HMCN1: variants seen among roughly 807,000 people sequenced by gnomAD.
The protein encoded by HMCN1 is hemicentin-1.
In HMCN1, 321 loss-of-function variants were observed where a neutral mutation model predicts 625.9. The observed-to-expected ratio is 0.51, with a 90% confidence interval of 0.47 to 0.56. HMCN1 has a LOEUF of 0.56. Ranked by LOEUF, HMCN1 falls within the 20% of genes least tolerant of loss-of-function variation. The probability of loss-of-function intolerance (pLI) is 0.00; values close to 1 mark genes in which losing one functional copy is unlikely to be tolerated. For synonymous variants in HMCN1, 2,425 were observed against 2,417.6 expected (o/e 1.00, Z -0.09); for missense variants, 6,588 against 6,887.3 (o/e 0.96, Z 1.54).
chr1:186,161,122 T>C (rs1039967267), intron 97 of HMCN1, among the ~76,000 whole-genome samples: 6 of 151,964 alleles, frequency 3.9e-5, no homozygotes, highest in Non-Finnish European at 4.4e-5. Flanking sequence ...GGTGCATATA[T>C]ATTTAGGATA....
chr1:186,125,469 T>G (rs1444961956), intron 81 of HMCN1, 135 bp from the exon 82 acceptor site: 1 of 701,044 alleles, frequency 1.4e-6, no homozygotes, highest in African/African-American at 1.8e-5. Flanking sequence ...CAAATCAATA[T>G]CTTAATAGAT....
In HMCN1 at chr1:185,889,383, G is replaced by A. The variant is rs941587436; in HGVS notation, c.622-19954G>A. On this transcript the variant is annotated intron_variant, in intron 4 of 106. Coordinates refer to ENST00000271588, the MANE Select transcript of HMCN1 (RefSeq NM_031935.3). Reference sequence around the variant, plus strand: ...TGGTGAGAGAGGGCATCCCTGTCTTGTGCCAGTATTCAAAGGGAATGCTTC... The same window carrying A: ...TGGTGAGAGAGGGCATCCCTGTCTTATGCCAGTATTCAAAGGGAATGCTTC... Among the ~76,000 whole-genome samples, 16 of 147,580 alleles carry A rather than the reference G, an allele frequency of 1.1e-4. 1 individual carries two copies. Among genetic ancestry groups the A allele is most frequent in the African/African-American group, 3.8e-4 (14 of 37,078 alleles).
chr1:186,000,758 A>C (rs1385180769), intron 26 of HMCN1, among the ~76,000 whole-genome samples: 1 of 151,870 alleles, frequency 6.6e-6, no homozygotes, highest in Non-Finnish European at 1.5e-5. Context: ...AATGTTCCTA[A>C]CTGTATAGCA....
At chr1:185,785,030 A>G (rs1192092150) in intron 1 of HMCN1, among the ~76,000 whole-genome samples, 1 of 152,118 alleles carries the variant, frequency 6.6e-6, no homozygotes, top group African/African-American at 2.4e-5. Context: ...TTTAATTACT[A>G]ATTAATATTC....
chr1:185,920,175 A>G (rs1033391004), intron 6 of HMCN1, among the ~76,000 whole-genome samples: 2 of 152,224 alleles, frequency 1.3e-5, no homozygotes, highest in Admixed American at 1.3e-4. Flanking sequence ...ATGAATTAAC[A>G]TCAGAGGCTA....
At chr1:185,923,982 T>A (rs941443436) in intron 8 of HMCN1, among the ~76,000 whole-genome samples, 1 of 152,186 alleles carries the variant, frequency 6.6e-6, no homozygotes, top group Non-Finnish European at 1.5e-5. Flanking sequence ...ATTGGCTAAA[T>A]GTTTATATAC....
At chr1:185,993,887 G>A (rs554112021) in intron 23 of HMCN1, among the ~76,000 whole-genome samples, 1 of 152,034 alleles carries the variant, frequency 6.6e-6, no homozygotes, top group African/African-American at 2.4e-5. Flanking sequence ...AGCTGAGATA[G>A]GATTGATCTG....
chr1:185,737,279 C>T (rs566666696), intron 1 of HMCN1, among the ~76,000 whole-genome samples: 5 of 152,104 alleles, frequency 3.3e-5, no homozygotes, highest in Admixed American at 1.3e-4. Context: ...TTCAGCCTCC[C>T]GAGTAGCTGG....
chr1:185,962,769 A>G, intron 12 of HMCN1, 110 bp downstream of exon 12: 1 of 746,246 alleles, frequency 1.3e-6, no homozygotes, highest in South Asian at 1.5e-5. Context: ...GTTTGACCAC[A>G]ATACTTAGCT....
intron 105 of HMCN1, among the ~76,000 whole-genome samples, chr1:186,184,672 T>C (rs372237425): frequency 2.9e-5 from 4 of 138,040 alleles, no homozygotes; most frequent in East Asian, 2.0e-4. Context: ...AAATTACTTA[T>C]ATTTTCTATA....
intron 100 of HMCN1, among the ~76,000 whole-genome samples, chr1:186,167,489 A>G (rs1651952891): frequency 6.6e-6 from 1 of 152,180 alleles, no homozygotes; most frequent in Non-Finnish European, 1.5e-5. Context: ...ACACTGACAC[A>G]TCATTATCAC....
In HMCN1 at chr1:186,087,446, C is replaced by A; in HGVS notation, c.9164C>A (p.Pro3055His). 1.2e-6 allele frequency: 2 copies of A among 1,612,906 alleles called. No individual in the cohort carries two copies. Among genetic ancestry groups the A allele is most frequent in the Non-Finnish European group, 1.7e-6 (2 of 1,179,304 alleles). The change falls in exon 60 of 107, where the codon CCC (proline) becomes CAC (histidine). Residue 3055 changes from proline to histidine, a missense_variant. Physicochemically the swap from Pro to His is moderately conservative, Grantham distance 77 (BLOSUM62 -2). Coordinates refer to ENST00000271588, the MANE Select transcript of HMCN1 (RefSeq NM_031935.3). Reference sequence around the variant, plus strand: ...TTCTGTTATTTTCTTCCCTCAGTGCCCCCAAGCATTAAAGACCATGACAGT... The same window carrying A: ...TTCTGTTATTTTCTTCCCTCAGTGCACCCAAGCATTAAAGACCATGACAGT... ...KKKFSLTVYV[P>H]PSIKDHDSES...
chr1:185,985,349 T>C (rs1651936489), intron 19 of HMCN1, among the ~76,000 whole-genome samples: 3 of 152,208 alleles, frequency 2.0e-5, no homozygotes, highest in Non-Finnish European at 4.4e-5. Flanking sequence ...ACCATAGATT[T>C]CTTGAACAGT....
chr1:186,039,127 G>A, intron 38 of HMCN1, 122 bp downstream of exon 38: 1 of 765,648 alleles, frequency 1.3e-6, no homozygotes, highest in Non-Finnish European at 2.4e-6. Context: ...TTATGTAAGG[G>A]CACAGTGTTC....
chr1:186,091,411 T>C (rs1245182801), intron 64 of HMCN1, among the ~76,000 whole-genome samples: 4 of 152,050 alleles, frequency 2.6e-5, no homozygotes, highest in East Asian at 1.9e-4. Context: ...ATAACTGTTA[T>C]AGTGGTTTGT....
chr1:185,817,564 C>T (rs1482224118), intron 1 of HMCN1, among the ~76,000 whole-genome samples: 2 of 152,074 alleles, frequency 1.3e-5, no homozygotes, highest in African/African-American at 2.4e-5. Context: ...GAAGTTTGTG[C>T]GTGCTTAAGG....
At chr1:185,965,437 CCT>C (rs1415504237) in intron 13 of HMCN1, among the ~76,000 whole-genome samples, 2 of 151,908 alleles carry the variant, frequency 1.3e-5, no homozygotes, top group Non-Finnish European at 2.9e-5. Flanking sequence ...TAGAATTATT[CCT>C]CTCTCTGTTC....
intron 24 of HMCN1, among the ~76,000 whole-genome samples, chr1:185,996,904 A>T (rs1197630581): frequency 2.0e-5 from 3 of 152,158 alleles, no homozygotes; most frequent in African/African-American, 7.2e-5. Context: ...AATGATTTGA[A>T]TTAGATAAGT....
chr1:186,173,197 G>C (rs1300912891), intron 102 of HMCN1, among the ~76,000 whole-genome samples: 1 of 151,960 alleles, frequency 6.6e-6, no homozygotes, highest in Non-Finnish European at 1.5e-5. Context: ...TAAAATTATT[G>C]TATCTTGGAT....
Sources: gnomAD v4.1 joint callset for allele counts (sites outside exome capture counted in the v4.1 genomes callset) on GRCh38, gnomAD v4.1.1 for gene constraint, MANE v1.5 for transcripts, NCBI Gene and HGNC (gene_info 2026-07-23, HGNC 2026-07-21) for gene names.